The following VPS53 variants were observed in gnomAD, a reference collection of about 807,000 sequenced individuals.
The protein encoded by VPS53 is vacuolar protein sorting-associated protein 53 homolog.
VPS53 carries 70 observed loss-of-function variants against 107.0 expected under a neutral mutation model. That is an observed-to-expected ratio of 0.65 (90% CI 0.54 to 0.80). The LOEUF (loss-of-function observed/expected upper bound fraction) is 0.80, where lower values mean the gene tolerates loss of function less well. VPS53 is among the 30% of genes least tolerant of loss of function. VPS53 has a pLI of 0.00. For synonymous variants in VPS53, 409 were observed against 393.3 expected, an observed-to-expected ratio of 1.04 and a Z score of -0.47; for missense variants, 917 against 1,049.4, an observed-to-expected ratio of 0.87 and a Z score of 1.74.
rs977902013 is a variant in VPS53, at chr17:518,797, C to T, written c.*331G>A. 25 of 175,038 alleles carry T rather than the reference C, an allele frequency of 1.4e-4. No individual in the cohort carries two copies. The highest frequency in any genetic ancestry group is 5.8e-4 in the African/African-American group (21 of 36,316). The allele number at this position is 175,038 out of a possible 1,614,324, so 10.8% of individuals were successfully genotyped here. A position where few individuals can be genotyped will look rare whatever the true frequency, so the allele number is the denominator to read the frequency against. Reference sequence around the variant, plus strand: ...AAAAAAAAAAAAAAAAAAAAAAGGACGGGTGGGGCCCACGTGTCAAGAGGG... The same window carrying T: ...AAAAAAAAAAAAAAAAAAAAAAGGATGGGTGGGGCCCACGTGTCAAGAGGG... On this transcript the variant is annotated 3_prime_UTR_variant, in exon 22 of 22. Transcript: ENST00000437048.
chr17:538,304 G>A (rs185620087), intron 17 of VPS53: 4 of 152,672 alleles, frequency 2.6e-5, no homozygotes, highest in Admixed American at 1.3e-4. Flanking sequence ...GTTCTGCTGA[G>A]TCAGCCTTTC....
chr17:628,191 A>G lies in VPS53; in HGVS notation c.728T>C (p.Leu243Pro). 1 of 1,614,120 alleles carries G rather than the reference A, an allele frequency of 6.2e-7. No homozygotes were observed. Among genetic ancestry groups the G allele is most frequent in the South Asian group, 1.1e-5 (1 of 91,030 alleles). The change falls in exon 9 of 22, where the codon CTG (leucine) becomes CCG (proline). Residue 243 changes from leucine to proline, a missense_variant. Leu to Pro is a moderately conservative substitution (Grantham distance 98). Coordinates refer to ENST00000437048, the MANE Select transcript of VPS53 (RefSeq NM_001128159.3). ...CCTGGGATCTAGAATATTAGCAACC[A>G]GACATGCATCTCGTAGAACATTGCT... is the stretch of plus-strand genomic sequence containing the variant. Reference protein sequence around the residue: ...GPSNVLRDACLVANILDPRIK... With the variant: ...GPSNVLRDACPVANILDPRIK...
chr17:643,235 CG>C (rs1567701388), intron 7 of VPS53, among the ~76,000 whole-genome samples: 710 of 28,076 alleles, frequency 0.025, 199 homozygotes, highest in South Asian at 0.073. Context: ...ACTTGGAAAC[CG>C]AGGACAACAC....
intron 11 of VPS53, among the ~76,000 whole-genome samples, chr17:614,661 C>A (rs959642710): frequency 3.9e-5 from 6 of 152,194 alleles, no homozygotes; most frequent in Non-Finnish European, 8.8e-5. Context: ...CTTACACAGT[C>A]TCCCTCATGC....
Position 598,685 on chromosome 17 carries a change from C to T in VPS53, c.1218+3110G>A, listed in dbSNP as rs1375074907. ...CTGGGAGGTGAGGAGCATTTCTGCC[C>T]GGCCGCCCCGTCTGAGAAGTGAGGA... On this transcript the variant is annotated intron_variant, in intron 12 of 21. Transcript: ENST00000437048. Among the ~76,000 whole-genome samples, 8 of 141,808 alleles carry T rather than the reference C, an allele frequency of 5.6e-5. No individual in the cohort carries two copies. The East Asian group carries it at 7.4e-4, about 13-fold the overall frequency. 93.0% of individuals were successfully genotyped at this position (141,808 alleles called of 152,430 possible).
At chr17:606,518 TAC>T (rs1968587960) in intron 11 of VPS53, among the ~76,000 whole-genome samples, 1 of 152,032 alleles carries the variant, frequency 6.6e-6, no homozygotes, top group Non-Finnish European at 1.5e-5. Flanking sequence ...AGGCGTGAGC[TAC>T]ACAGTCATGC....
At position 571,138 on chromosome 17, in the gene VPS53, C is replaced by A. The variant is rs531150931; in HGVS notation, c.1314-8393G>T. On this transcript the variant is annotated intron_variant, in intron 13 of 21. Coordinates refer to ENST00000437048, the MANE Select transcript of VPS53 (RefSeq NM_001128159.3). ...GACCAGCCCGAGCAACATGGTGAGA[C>A]CCTGTCTCTACAAAAAAACAAAAAT... 3.3e-5 allele frequency among the ~76,000 whole-genome samples: 5 copies of A among 151,560 alleles called. No homozygotes were observed. The South Asian group carries it at 1.0e-3, about 32-fold the overall frequency.
chr17:650,349 CA>C (rs1033774184), intron 7 of VPS53, among the ~76,000 whole-genome samples: 6 of 151,834 alleles, frequency 4.0e-5, no homozygotes, highest in Non-Finnish European at 7.4e-5. Flanking sequence ...TGTTAAAAAT[CA>C]GCCAGGCATG....
chr17:523,929 T>C (rs1239410766), intron 19 of VPS53, among the ~76,000 whole-genome samples: 1 of 152,186 alleles, frequency 6.6e-6, no homozygotes, highest in Non-Finnish European at 1.5e-5. Context: ...ACTGCTGCTT[T>C]TCCTCGGAGG....
At chr17:677,116 C>T (rs542063319) in intron 4 of VPS53, among the ~76,000 whole-genome samples, 24 of 152,146 alleles carry the variant, frequency 1.6e-4, no homozygotes, top group East Asian at 5.8e-4. Flanking sequence ...GCATAAGGGA[C>T]GGAAGCAGAA....
rs74812495 is a variant in VPS53, at chr17:527,032, A to G, written c.2086-5294T>C. ...ATGGAACAAGGTGGACACATGTTCTATTTCTTTTTCTTTTTAAAAAAATTA... is the reference window on the plus strand; with the variant it reads ...ATGGAACAAGGTGGACACATGTTCTGTTTCTTTTTCTTTTTAAAAAAATTA... On this transcript the variant is annotated intron_variant, in intron 19 of 21. Coordinates refer to ENST00000437048, the MANE Select transcript of VPS53 (RefSeq NM_001128159.3). Among the ~76,000 whole-genome samples the G allele has an allele frequency of 3.9e-4, 60 of 152,338 alleles. No homozygotes were observed. The East Asian group carries it at 0.011, about 27-fold the overall frequency.
intron 19 of VPS53, among the ~76,000 whole-genome samples, chr17:525,996 C>CAAAAAAAAAAAAAAAAAAAAA (rs10677094): frequency 1.3e-5 from 1 of 74,686 alleles, no homozygotes; most frequent in Non-Finnish European, 2.5e-5. Context: ...GACATTTTCT[C>CAAAAAAAAAAAAAAAAAAAAA]AAAAAAAAAA....
At chr17:588,880 C>A (rs1042488573) in intron 12 of VPS53, among the ~76,000 whole-genome samples, 1 of 152,028 alleles carries the variant, frequency 6.6e-6, no homozygotes, top group Non-Finnish European at 1.5e-5. Context: ...TGAGGGGTGT[C>A]CTCACCCACT....
At chr17:602,629 C>A (rs60711174) in intron 11 of VPS53, among the ~76,000 whole-genome samples, 1 of 152,146 alleles carries the variant, frequency 6.6e-6, no homozygotes, top group African/African-American at 2.4e-5. Flanking sequence ...TCCAACCGTG[C>A]GGCACTGGCC....
At chr17:530,299 G>A (rs1002533733) in intron 19 of VPS53, among the ~76,000 whole-genome samples, 2 of 151,866 alleles carry the variant, frequency 1.3e-5, no homozygotes, top group African/African-American at 2.4e-5. Flanking sequence ...GATTACAGGC[G>A]CACCACACCT....
intron 11 of VPS53, among the ~76,000 whole-genome samples, chr17:621,440 G>A (rs1413635176): frequency 1.3e-5 from 2 of 151,926 alleles, no homozygotes; most frequent in Admixed American, 6.6e-5. Context: ...TTAGACTTCT[G>A]GTTTAGATGT....
chr17:650,112 C>T (rs1455076897), intron 7 of VPS53, among the ~76,000 whole-genome samples: 1 of 152,156 alleles, frequency 6.6e-6, no homozygotes, highest in South Asian at 2.1e-4. Context: ...GGAAAGAATG[C>T]AGAGACCAAG....
At chr17:658,365 A>T (rs1463105595) in intron 5 of VPS53, among the ~76,000 whole-genome samples, 1 of 146,736 alleles carries the variant, frequency 6.8e-6, no homozygotes, top group East Asian at 2.1e-4. Flanking sequence ...CACTGAAGTG[A>T]GAAACTCGGC....
intron 18 of VPS53, 80 bp from the exon 19 acceptor site, chr17:532,991 T>C (rs1009760663): frequency 1.6e-5 from 24 of 1,527,720 alleles, no homozygotes; most frequent in Non-Finnish European, 2.1e-5. Context: ...GTTCCACGTA[T>C]CTCCATGAAA....
Sources: gnomAD v4.1 joint callset for allele counts (sites outside exome capture counted in the v4.1 genomes callset) on GRCh38, gnomAD v4.1.1 for gene constraint, MANE v1.5 for transcripts, NCBI Gene and HGNC (gene_info 2026-07-23, HGNC 2026-07-21) for gene names.